SLA: variants seen among roughly 807,000 people sequenced by gnomAD.
SLA encodes Src like adaptor, also known as src-like-adapter.
In SLA, 16 loss-of-function variants were observed where a neutral mutation model predicts 30.3. The observed-to-expected ratio is 0.53, with a 90% CI of 0.36 to 0.80. The LOEUF is 0.80. Ranked by LOEUF, SLA falls within the 30% of genes least tolerant of loss-of-function variation. The pLI is 0.01. For synonymous variants in SLA, 143 were observed against 137.8 expected, an observed-to-expected ratio of 1.04 and a Z score of -0.26; for missense variants, 310 against 345.2, an observed-to-expected ratio of 0.90 and a Z score of 0.81.
At chr8:133,055,875 C>T (rs1039738517) in intron 3 of SLA, among the ~76,000 whole-genome samples, 13 of 150,258 alleles carry the variant, frequency 8.7e-5, no homozygotes, top group Admixed American at 2.6e-4. Flanking sequence ...AGCAGCAGGG[C>T]GCACAGCTCT....
chr8:133,047,356 T>G (rs1376000393), intron 6 of SLA: 1 of 160,690 alleles, frequency 6.2e-6, no homozygotes, highest in Non-Finnish European at 1.4e-5. Context: ...GGACTGTCTG[T>G]GCAGCAAGAG....
chr8:133,091,465 C>T (rs1027371844), intron 1 of SLA, among the ~76,000 whole-genome samples: 5 of 152,174 alleles, frequency 3.3e-5, no homozygotes, highest in African/African-American at 1.2e-4. Flanking sequence ...GCTGCCCACC[C>T]CGCTTCTTGT....
intron 7 of SLA, among the ~76,000 whole-genome samples, 176 bp downstream of exon 7, chr8:133,044,807 TG>T (rs1159648231): frequency 1.6e-4 from 24 of 152,360 alleles, no homozygotes; most frequent in African/African-American, 5.8e-4. Flanking sequence ...TAAGGCAACA[TG>T]CACAGGCAGT....
At chr8:133,042,303 A>C (rs1022100361) in intron 7 of SLA, among the ~76,000 whole-genome samples, 3 of 152,096 alleles carry the variant, frequency 2.0e-5, no homozygotes, top group Non-Finnish European at 2.9e-5. Flanking sequence ...GGCTCATCAG[A>C]ATGCACACTC....
intron 3 of SLA, among the ~76,000 whole-genome samples, chr8:133,057,668 C>G (rs1841690387): frequency 2.0e-5 from 3 of 151,902 alleles, no homozygotes; most frequent in Non-Finnish European, 4.4e-5. Flanking sequence ...GAAACTTGCT[C>G]TATTTCCCTC....
At chr8:133,049,024 C>A (rs979236011) in intron 5 of SLA, 8 of 368,322 alleles carry the variant, frequency 2.2e-5, no homozygotes, top group African/African-American at 1.3e-4. Flanking sequence ...TCTTTGCCAA[C>A]TTCCAGCTTC....
At chr8:133,049,047 G>C in intron 5 of SLA, 1 of 408,686 alleles carries the variant, frequency 2.4e-6, no homozygotes, top group South Asian at 1.7e-5. Flanking sequence ...ACACTTGACA[G>C]ATGAGGATAA....
intron 2 of SLA, among the ~76,000 whole-genome samples, chr8:133,061,646 G>A (rs1842381704): frequency 6.6e-6 from 1 of 152,162 alleles, no homozygotes; most frequent in Non-Finnish European, 1.5e-5. Context: ...AGACGGAACA[G>A]GGTCCCCCCA....
chr8:133,048,763 G>A (rs75159042), intron 5 of SLA: 6,911 of 160,756 alleles, frequency 0.043, 186 homozygotes, highest in Middle Eastern at 0.099. Context: ...TGACTCCCAC[G>A]GCAGCTCCTG....
At chr8:133,044,902 C>A in intron 7 of SLA, 82 bp downstream of exon 7, 1 of 1,406,984 alleles carries the variant, frequency 7.1e-7, no homozygotes, top group South Asian at 1.2e-5. Context: ...GACCCCTCTG[C>A]ATTCCAGACG....
At chr8:133,042,678 CTTTTTTT>C (rs58739514) in intron 7 of SLA, among the ~76,000 whole-genome samples, 14 of 56,768 alleles carry the variant, frequency 2.5e-4, no homozygotes, top group African/African-American at 8.3e-4. Context: ...CATTCTGTGT[CTTTTTTT>C]TTTTTTTTTT....
chr8:133,045,624 G>A (rs1839220931), intron 6 of SLA, among the ~76,000 whole-genome samples: 1 of 151,910 alleles, frequency 6.6e-6, no homozygotes, highest in Non-Finnish European at 1.5e-5. Flanking sequence ...CGAACTCCTG[G>A]ACTCAAGTGA....
chr8:133,087,813 C>G (rs995629123), intron 1 of SLA: 1 of 152,152 alleles, frequency 6.6e-6, no homozygotes, highest in Non-Finnish European at 1.5e-5. Context: ...GGACTGGATG[C>G]CTGTGAATGT....
At chr8:133,048,018 A>C (rs1839784265) in intron 5 of SLA, 85 bp from the exon 6 acceptor site, 2 of 725,782 alleles carry the variant, frequency 2.8e-6, no homozygotes. Context: ...CGTACTAAGC[A>C]CCTGAAACCT....
chr8:133,066,448 C>T (rs955192689), intron 2 of SLA, among the ~76,000 whole-genome samples: 2 of 151,906 alleles, frequency 1.3e-5, no homozygotes, highest in African/African-American at 4.8e-5. Context: ...CAAATGCATA[C>T]ACGTGGAAAA....
intron 1 of SLA, among the ~76,000 whole-genome samples, chr8:133,082,167 G>A (rs921901672): frequency 1.3e-5 from 2 of 152,160 alleles, no homozygotes; most frequent in East Asian, 1.9e-4. Flanking sequence ...TTGTCAGGCC[G>A]CATGAAGGGA....
chr8:133,074,810 A>G, intron 2 of SLA, 43 bp downstream of exon 2: 1 of 976,310 alleles, frequency 1.0e-6, no homozygotes, highest in African/African-American at 1.8e-5. Flanking sequence ...AGAGGCCCTG[A>G]AGTCTCTCCC....
rs942166549 is a variant in SLA at position 133,038,447 on chromosome 8, C to A, written c.*77G>T. The stretch of plus-strand genomic sequence containing the variant: ...GTGAGGCTCCCAGGGATCAGGGAAC[C>A]TCGCTTTTCGCAAGATCCCAGGCAA... On this transcript the variant is annotated 3_prime_UTR_variant, in exon 9 of 9. Transcript: ENST00000338087. The A allele has an allele frequency of 1.7e-6, 2 of 1,194,570 alleles. No homozygotes were observed. The highest frequency in any genetic ancestry group is 1.5e-5 in the African/African-American group (1 of 66,400). The allele number at this position is 1,194,570 out of a possible 1,614,324, so 74.0% of individuals were successfully genotyped here.
At chr8:133,084,919 G>T (rs1402468136) in intron 1 of SLA, among the ~76,000 whole-genome samples, 1 of 152,232 alleles carries the variant, frequency 6.6e-6, no homozygotes, top group African/African-American at 2.4e-5. Context: ...CATGGCTTTG[G>T]AGAAAAATGG....
Sources: allele counts gnomAD v4.1 joint callset (sites outside exome capture counted in the v4.1 genomes callset), GRCh38; gene constraint gnomAD v4.1.1; transcripts MANE v1.5; gene names NCBI Gene and HGNC (gene_info 2026-07-23, HGNC 2026-07-21).